LHPP: variants seen among roughly 807,000 people sequenced by gnomAD.
LHPP encodes the protein phospholysine phosphohistidine inorganic pyrophosphate phosphatase, also known as hLHPP.
LHPP carries 24 observed loss-of-function variants against 30.3 expected under a neutral mutation model. That is an observed-to-expected ratio of 0.79 (90% CI 0.57 to 1.11). The LOEUF is 1.11. LHPP is among the 50% of genes most tolerant of loss of function. LHPP has a pLI of 0.00. For missense variants in LHPP, 356 were observed against 367.2 expected, an observed-to-expected ratio of 0.97 and a Z score of 0.25; for synonymous variants, 150 against 157.1, an observed-to-expected ratio of 0.95 and a Z score of 0.34.
rs1949232509 is a variant in LHPP at position 124,613,637 on chromosome 10, T to A, written c.*277T>A. ...GGGCCCTGACTTCAGCTCCCTGTAG[T>A]GAAGTCCAGGAGGGTGGGACAGGCC... On this transcript the variant is annotated 3_prime_UTR_variant, in exon 7 of 7. Coordinates refer to ENST00000368842, the MANE Select transcript of LHPP (RefSeq NM_022126.4). The A allele has an allele frequency of 1.9e-6, 1 of 530,634 alleles. No homozygotes were observed. The highest frequency in any genetic ancestry group is 1.9e-5 in the African/African-American group (1 of 52,342). The allele number at this position is 530,634 out of a possible 1,614,324, so 32.9% of individuals were successfully genotyped here.
At chr10:124,608,817 G>A (rs1423501111) in intron 6 of LHPP, among the ~76,000 whole-genome samples, 6 of 152,226 alleles carry the variant, frequency 3.9e-5, no homozygotes, top group Non-Finnish European at 7.3e-5. Context: ...GTAAGCCGGA[G>A]AGCATCAGCA....
rs1299567602 is a variant in LHPP, at chr10:124,484,185, C to G, written c.172C>G (p.Gln58Glu). The G allele has an allele frequency of 1.2e-6, 2 of 1,614,108 alleles. No homozygotes were observed. The highest frequency in any genetic ancestry group is 1.7e-6 in the Non-Finnish European group (2 of 1,180,024). The change falls in exon 2 of 7, where the codon CAG becomes GAG. Residue 58 changes from glutamine (Q) to glutamate (E), a missense_variant. By Grantham distance (29) the Gln-to-Glu change is conservative. Transcript: ENST00000368842. ...LKVRFCTNES[Q>E]KSRAELVGQL... is the part of the protein sequence containing the mutation. ...GGTGAGGTTCTGCACCAACGAGTCG[C>G]AGAAGTCCCGGGCAGAGCTGGTGGG...
intron 3 of LHPP, among the ~76,000 whole-genome samples, chr10:124,495,307 A>G (rs1953669920): frequency 6.6e-6 from 1 of 152,118 alleles, no homozygotes; most frequent in African/African-American, 2.4e-5. Flanking sequence ...GGAGAGTCCC[A>G]AGCCCACGTC....
chr10:124,520,718 C>G (rs1383010075), intron 6 of LHPP, among the ~76,000 whole-genome samples: 1 of 152,090 alleles, frequency 6.6e-6, no homozygotes, highest in African/African-American at 2.4e-5. Context: ...TAGGTGTGCC[C>G]CAGTTAAAGG....
chr10:124,538,382 G>T (rs375280053), intron 6 of LHPP, among the ~76,000 whole-genome samples: 1 of 152,214 alleles, frequency 6.6e-6, no homozygotes, highest in East Asian at 1.9e-4. Context: ...CAGCCCTTTG[G>T]GATGTTTTTT....
chr10:124,561,347 G>T (rs1948391288), intron 6 of LHPP, among the ~76,000 whole-genome samples: 1 of 152,112 alleles, frequency 6.6e-6, no homozygotes, highest in African/African-American at 2.4e-5. Flanking sequence ...AGGCCAAGGA[G>T]GGAGCCAGGA....
intron 6 of LHPP, among the ~76,000 whole-genome samples, chr10:124,555,734 T>C (rs182032316): frequency 7.2e-5 from 11 of 152,080 alleles, no homozygotes; most frequent in African/African-American, 2.2e-4. Context: ...TCTTGACTGT[T>C]AGGCTCTTTA....
At chr10:124,514,894 C>T (rs760138812) in intron 5 of LHPP, among the ~76,000 whole-genome samples, 3 of 151,922 alleles carry the variant, frequency 2.0e-5, no homozygotes, top group Non-Finnish European at 2.9e-5. Context: ...CTCAAACTCC[C>T]GGGCTCAAGT....
At chr10:124,540,770 A>G (rs768620554) in intron 6 of LHPP, among the ~76,000 whole-genome samples, 1 of 152,082 alleles carries the variant, frequency 6.6e-6, no homozygotes, top group Non-Finnish European at 1.5e-5. Context: ...CAAAGGCTGC[A>G]CTGAGGTGGC....
chr10:124,563,776 G>A (rs1175627534), intron 6 of LHPP, among the ~76,000 whole-genome samples: 3 of 152,194 alleles, frequency 2.0e-5, no homozygotes, highest in Non-Finnish European at 2.9e-5. Flanking sequence ...AACCCAGAAT[G>A]CCTATGATAA....
chr10:124,467,857 T>C (rs1184289676), intron 1 of LHPP, among the ~76,000 whole-genome samples: 1 of 152,086 alleles, frequency 6.6e-6, no homozygotes, highest in Non-Finnish European at 1.5e-5. Flanking sequence ...TACAGGTGCC[T>C]GCCACCATGC....
intron 6 of LHPP, among the ~76,000 whole-genome samples, chr10:124,568,056 G>A (rs1948521062): frequency 6.6e-6 from 1 of 152,190 alleles, no homozygotes; most frequent in African/African-American, 2.4e-5. Context: ...GGGGACTACA[G>A]GCGCGTGCCA....
At chr10:124,538,199 T>TGCAGG (rs1955084961) in intron 6 of LHPP, among the ~76,000 whole-genome samples, 5 of 151,586 alleles carry the variant, frequency 3.3e-5, no homozygotes, top group African/African-American at 9.7e-5. Flanking sequence ...GGGGTCACCA[T>TGCAGG]GTGGGGTCAC....
At chr10:124,574,028 C>T (rs1386881753) in intron 6 of LHPP, among the ~76,000 whole-genome samples, 2 of 152,280 alleles carry the variant, frequency 1.3e-5, no homozygotes, top group East Asian at 3.9e-4. Flanking sequence ...CCCATGGAGG[C>T]TGCAGGAGCA....
rs761160752 is a variant in LHPP, at chr10:124,488,402, G to GTC, written c.314-8_314-7dup. ...TCCTCCCAGGGCTCCGTGGCACTCT[G>GTC]TCTCTCTCTCTCTTTCCAGGAGTCC... On this transcript the variant is annotated intron_variant, in intron 2 of 6. Transcript: ENST00000368842. 5.0e-5 allele frequency: 80 copies of GTC among 1,609,378 alleles called. No homozygotes were observed. Among genetic ancestry groups the GTC allele is most frequent in the Non-Finnish European group, 5.9e-5 (69 of 1,176,972 alleles).
intron 1 of LHPP, among the ~76,000 whole-genome samples, chr10:124,483,220 G>T (rs919387262): frequency 1.3e-5 from 2 of 152,222 alleles, no homozygotes; most frequent in African/African-American, 4.8e-5. Flanking sequence ...TGTCCCTGAT[G>T]ACTTTGGCAA....
intron 1 of LHPP, among the ~76,000 whole-genome samples, chr10:124,476,159 C>T (rs949210956): frequency 2.6e-5 from 4 of 152,054 alleles, no homozygotes; most frequent in Admixed American, 1.3e-4. Context: ...ACCTCATTGC[C>T]GTCCCGCTAA....
intron 6 of LHPP, among the ~76,000 whole-genome samples, chr10:124,587,859 A>T (rs1948826221): frequency 6.6e-6 from 1 of 152,012 alleles, no homozygotes; most frequent in Non-Finnish European, 1.5e-5. Flanking sequence ...TGCCTCCCAC[A>T]GATGAGGACG....
intron 6 of LHPP, among the ~76,000 whole-genome samples, chr10:124,530,624 C>A (rs1686545725): frequency 6.6e-6 from 1 of 152,170 alleles, no homozygotes; most frequent in Non-Finnish European, 1.5e-5. Context: ...CCCACTCATT[C>A]CCTCCCAGAT....
Sources: gnomAD v4.1 joint callset for allele counts (sites outside exome capture counted in the v4.1 genomes callset) on GRCh38, gnomAD v4.1.1 for gene constraint, MANE v1.5 for transcripts, NCBI Gene and HGNC (gene_info 2026-07-23, HGNC 2026-07-21) for gene names.